INPP5D: variants seen among roughly 807,000 people sequenced by gnomAD.
The protein encoded by INPP5D is phosphatidylinositol 3,4,5-trisphosphate 5-phosphatase 1.
In INPP5D, 33 loss-of-function variants were observed where a neutral mutation model predicts 122.9. The observed-to-expected ratio is 0.27, with a 90% CI of 0.20 to 0.36. The LOEUF (loss-of-function observed/expected upper bound fraction) is 0.36. INPP5D is among the 10% of genes least tolerant of loss of function. The probability of loss-of-function intolerance (pLI) is 1.00; values close to 1 mark genes in which losing one functional copy is unlikely to be tolerated. For missense variants in INPP5D, 1,053 were observed against 1,412.7 expected, an observed-to-expected ratio of 0.75 and a Z score of 4.08; for synonymous variants, 584 against 576.2, an observed-to-expected ratio of 1.01 and a Z score of -0.19.
chr2:233,143,298 A>G (rs1182181168), intron 6 of INPP5D, among the ~76,000 whole-genome samples: 2 of 152,134 alleles, frequency 1.3e-5, no homozygotes, highest in Non-Finnish European at 2.9e-5. Context: ...ATGTTCTCTA[A>G]GATCTTGTTA....
intron 20 of INPP5D, among the ~76,000 whole-genome samples, chr2:233,185,191 A>C (rs932181637): frequency 6.6e-6 from 1 of 152,052 alleles, no homozygotes; most frequent in African/African-American, 2.4e-5. Context: ...TCACCTCCTC[A>C]AAAGGGCATT....
At chr2:233,110,601 C>T (rs117503980) in intron 2 of INPP5D, among the ~76,000 whole-genome samples, 1 of 152,266 alleles carries the variant, frequency 6.6e-6, no homozygotes, top group East Asian at 1.9e-4. Flanking sequence ...TGATTTTCAA[C>T]AAACTATTAC....
chr2:233,158,490 T>C (rs373012211), intron 10 of INPP5D, 71 bp downstream of exon 10: 2 of 642,652 alleles, frequency 3.1e-6, no homozygotes. Context: ...AGGCTCGCTG[T>C]GTGCCAGGGA....
chr2:233,169,944 C>T, intron 14 of INPP5D, 82 bp from the exon 15 acceptor site: 1 of 1,601,888 alleles, frequency 6.2e-7, no homozygotes, highest in South Asian at 1.1e-5. Context: ...TCGCCCCACA[C>T]CTATGGCAGG....
chr2:233,095,483 G>A (rs1692110542), intron 2 of INPP5D, among the ~76,000 whole-genome samples: 1 of 151,974 alleles, frequency 6.6e-6, no homozygotes, highest in Non-Finnish European at 1.5e-5. Flanking sequence ...AGCTGGAGGG[G>A]GTGGTGGTGG....
chr2:233,147,910 G>A (rs373820777), intron 9 of INPP5D, among the ~76,000 whole-genome samples: 3 of 152,204 alleles, frequency 2.0e-5, no homozygotes, highest in South Asian at 2.1e-4. Flanking sequence ...CTAAATTCAC[G>A]TCCCAGCTCT....
chr2:233,154,328 T>A (rs1693994823), intron 9 of INPP5D, among the ~76,000 whole-genome samples: 1 of 152,150 alleles, frequency 6.6e-6, no homozygotes, highest in African/African-American at 2.4e-5. Context: ...TTTGTATTTT[T>A]AGTAGAAATG....
intron 3 of INPP5D, among the ~76,000 whole-genome samples, chr2:233,122,643 A>T (rs1693023177): frequency 6.6e-6 from 1 of 152,160 alleles, no homozygotes; most frequent in Admixed American, 6.5e-5. Context: ...GTCTACAAAA[A>T]GCTTTTTAAA....
At chr2:233,130,224 C>T (rs1693281646) in intron 4 of INPP5D, among the ~76,000 whole-genome samples, 1 of 152,130 alleles carries the variant, frequency 6.6e-6, no homozygotes, top group Non-Finnish European at 1.5e-5. Context: ...ATAACCATTT[C>T]CCAGACCCCC....
At position 233,189,983 on chromosome 2, in the gene INPP5D, C is replaced by T; in HGVS notation, c.2446+46C>T. ...GCCACACCTGCCTGTGAACTGGCGG[C>T]CTCTGACGTAGCATTGCCTTCAGGG... On this transcript the variant is annotated intron_variant, in intron 22 of 26. Coordinates refer to ENST00000445964, the MANE Select transcript of INPP5D (RefSeq NM_001017915.3). The surrounding 1 kb of genome is among the most constrained non-coding windows in gnomAD (Gnocchi z 5.6). 1 of 1,603,036 alleles carries T rather than the reference C, an allele frequency of 6.2e-7. No homozygotes were observed. The highest frequency in any genetic ancestry group is 8.5e-7 in the Non-Finnish European group (1 of 1,175,156).
intron 2 of INPP5D, 90 bp downstream of exon 2, chr2:233,079,488 C>T (rs70958385): frequency 5.7e-5 from 48 of 847,352 alleles, no homozygotes; most frequent in East Asian, 2.8e-4. Flanking sequence ...GAAGTGCACG[C>T]GCAGGTAGCC....
At chr2:233,127,220 A>G (rs1305208525) in intron 4 of INPP5D, among the ~76,000 whole-genome samples, 1 of 152,216 alleles carries the variant, frequency 6.6e-6, no homozygotes, top group Non-Finnish European at 1.5e-5. Context: ...CTGAGGGTTC[A>G]TGGGCAGAGA....
At position 233,198,198 on chromosome 2, in the gene INPP5D, T is replaced by C; in HGVS notation, c.2797T>C (p.Leu933=). 6.2e-7 allele frequency: 1 copy of C among 1,613,622 alleles called. No homozygotes were observed. The highest frequency in any genetic ancestry group is 8.5e-7 in the Non-Finnish European group (1 of 1,179,880). Residue 933 remains leucine, a synonymous_variant, in exon 25 of 27, where the codon TTG becomes CTG. Coordinates refer to ENST00000445964, the MANE Select transcript of INPP5D (RefSeq NM_001017915.3). Reference sequence around the variant, plus strand: ...AATGCCCCTGCACGTGAAGCAGACCTTGTCCCCTGACCAGCAGCCCACAGC... The same window carrying C: ...AATGCCCCTGCACGTGAAGCAGACCCTGTCCCCTGACCAGCAGCCCACAGC... ...PPMPLHVKQT[L]SPDQQPTAWS... is the part of the protein sequence containing the mutation.
Position 233,190,560 on chromosome 2 carries a change from G to T in INPP5D, c.2446+623G>T, listed in dbSNP as rs867176397. On this transcript the variant is annotated intron_variant, in intron 22 of 26. Transcript: ENST00000445964. ...CCCCTGAGTGGGACTTGGGGTGCTG[G>T]AAACACAGCTCAGGGCTCTCTGGTC... 2.1e-3 allele frequency among the ~76,000 whole-genome samples: 8 copies of T among 3,884 alleles called. No homozygotes were observed. The South Asian group carries it at 0.22, about 106-fold the overall frequency. 2.5% of individuals were successfully genotyped at this position (3,884 alleles called of 152,430 possible).
chr2:233,111,792 G>A (rs1692636759), intron 2 of INPP5D, among the ~76,000 whole-genome samples: 2 of 152,194 alleles, frequency 1.3e-5, no homozygotes, highest in African/African-American at 4.8e-5. Flanking sequence ...CAGGCGCAGT[G>A]GCTCACGCCT....
rs373636124 is a variant in INPP5D at position 233,182,399 on chromosome 2, C to T, written c.2072-11C>T. ...CCTTCCCTGCTTAAAAATGCCTTCC[C>T]TCCCCTGCAGGCAGTACCAGCGACA... On this transcript the variant is annotated splice_polypyrimidine_tract_variant and intron_variant, in intron 18 of 26. Coordinates refer to ENST00000445964, the MANE Select transcript of INPP5D (RefSeq NM_001017915.3). 2.2e-5 allele frequency: 35 copies of T among 1,613,250 alleles called. No individual in the cohort carries two copies. The highest frequency in any genetic ancestry group is 3.0e-5 in the Non-Finnish European group (35 of 1,179,478).
intron 2 of INPP5D, among the ~76,000 whole-genome samples, chr2:233,109,723 C>T (rs1050054598): frequency 6.7e-6 from 1 of 149,408 alleles, no homozygotes; most frequent in Non-Finnish European, 1.5e-5. Flanking sequence ...GGATTACAGG[C>T]GCCTGCCACC....
chr2:233,144,906 G>A (rs960267270), intron 6 of INPP5D, among the ~76,000 whole-genome samples: 9 of 151,986 alleles, frequency 5.9e-5, no homozygotes, highest in Non-Finnish European at 1.3e-4. Flanking sequence ...GATAGTAAAA[G>A]TAGTATACTA....
chr2:233,162,671 C>T (rs1024742728), intron 11 of INPP5D, among the ~76,000 whole-genome samples: 6 of 152,256 alleles, frequency 3.9e-5, no homozygotes, highest in East Asian at 3.9e-4. Context: ...CACTGGGTGT[C>T]GTGTGTCCCC....
Sources: allele counts gnomAD v4.1 joint callset (sites outside exome capture counted in the v4.1 genomes callset), GRCh38; gene constraint gnomAD v4.1.1; non-coding constraint Gnocchi (gnomAD v3.1); transcripts MANE v1.5; gene names NCBI Gene and HGNC (gene_info 2026-07-23, HGNC 2026-07-21).